The following CCDC141 variants were observed in gnomAD, a reference collection of about 807,000 sequenced individuals.
CCDC141 encodes the protein coiled-coil domain containing 141.
A neutral mutation model predicts 181.0 loss-of-function variants in CCDC141; 168 were observed. The observed-to-expected ratio is 0.93, with a 90% CI of 0.82 to 1.05. CCDC141 has a LOEUF of 1.05. Ranked by LOEUF, CCDC141 falls within the 50% of genes least tolerant of loss-of-function variation. The pLI, the probability that CCDC141 is intolerant of heterozygous loss-of-function variation, is 0.00. For missense variants in CCDC141, 1,902 were observed against 1,788.5 expected (o/e 1.06, Z -1.14); for synonymous variants, 666 against 642.3 (o/e 1.04, Z -0.56).
chr2:178,852,364 T>G (rs1160447985), intron 20 of CCDC141, among the ~76,000 whole-genome samples: 2 of 152,168 alleles, frequency 1.3e-5, no homozygotes, highest in Non-Finnish European at 2.9e-5. Flanking sequence ...CAATAGGTAT[T>G]TATACTACAA....
chr2:178,905,557 A>C (rs1346666866), intron 7 of CCDC141, 56 bp from the exon 8 acceptor site: 2 of 1,438,330 alleles, frequency 1.4e-6, no homozygotes, highest in Middle Eastern at 1.8e-4. Flanking sequence ...ATCTACATCA[A>C]CGTGTACACA....
At chr2:178,922,100 A>C (rs1423264201) in intron 6 of CCDC141, among the ~76,000 whole-genome samples, 2 of 152,222 alleles carry the variant, frequency 1.3e-5, no homozygotes, top group Non-Finnish European at 2.9e-5. Context: ...AAATATAGCC[A>C]TTGCGTGCTC....
At chr2:178,844,029 T>C (rs550754143) in intron 22 of CCDC141, among the ~76,000 whole-genome samples, 1 of 152,200 alleles carries the variant, frequency 6.6e-6, no homozygotes, top group African/African-American at 2.4e-5. Flanking sequence ...TGAAGGTAAA[T>C]CTTGCTTTTT....
At chr2:178,908,441 G>A (rs1346153475) in intron 7 of CCDC141, among the ~76,000 whole-genome samples, 2 of 152,052 alleles carry the variant, frequency 1.3e-5, no homozygotes, top group Non-Finnish European at 2.9e-5. Flanking sequence ...ATCTGCCTGC[G>A]TCGGCCTCCC....
chr2:178,856,542 C>G (rs1252976595), intron 17 of CCDC141, 145 bp from the exon 18 acceptor site: 1 of 509,880 alleles, frequency 2.0e-6, no homozygotes, highest in Non-Finnish European at 3.4e-6. Flanking sequence ...CCCTCCCTCT[C>G]TCTTTCTTTC....
At chr2:178,922,384 T>C (rs1688732034) in intron 6 of CCDC141, among the ~76,000 whole-genome samples, 1 of 152,226 alleles carries the variant, frequency 6.6e-6, no homozygotes, top group African/African-American at 2.4e-5. Context: ...CTCTACAATC[T>C]GCTATCTCAA....
chr2:178,887,898 T>G (rs766928085), intron 9 of CCDC141, among the ~76,000 whole-genome samples: 11 of 152,178 alleles, frequency 7.2e-5, no homozygotes, highest in Non-Finnish European at 1.5e-5. Flanking sequence ...TAAAGATAAA[T>G]AATTTTTTTA....
chr2:178,918,553 C>T (rs1188128637), intron 7 of CCDC141, among the ~76,000 whole-genome samples, 160 bp downstream of exon 7: 1 of 152,108 alleles, frequency 6.6e-6, no homozygotes, highest in African/African-American at 2.4e-5. Flanking sequence ...CAAATAATGG[C>T]CATAATAGGA....
At chr2:179,031,868 G>A (rs1007101885) in intron 2 of CCDC141, among the ~76,000 whole-genome samples, 3 of 152,028 alleles carry the variant, frequency 2.0e-5, no homozygotes, top group East Asian at 1.9e-4. Flanking sequence ...TTTCAACTAC[G>A]GAAATACTTA....
intron 5 of CCDC141, among the ~76,000 whole-genome samples, 173 bp downstream of exon 5, chr2:178,961,057 G>T (rs553534724): frequency 1.3e-5 from 2 of 152,202 alleles, no homozygotes; most frequent in East Asian, 3.9e-4. Flanking sequence ...GCATATATTT[G>T]TTTTTATGTT....
chr2:178,869,734 C>T (rs750011335), intron 14 of CCDC141, among the ~76,000 whole-genome samples: 5 of 152,256 alleles, frequency 3.3e-5, no homozygotes, highest in Non-Finnish European at 4.4e-5. Context: ...AGGGGAATAA[C>T]TTGTGCTCTG....
At chr2:178,897,504 G>A (rs946154402) in intron 8 of CCDC141, among the ~76,000 whole-genome samples, 1 of 152,100 alleles carries the variant, frequency 6.6e-6, no homozygotes, top group Non-Finnish European at 1.5e-5. Flanking sequence ...ACATTAAGAA[G>A]GCAGTAAGTG....
chr2:179,027,584 G>A (rs148454430), intron 2 of CCDC141, among the ~76,000 whole-genome samples: 4,230 of 147,020 alleles, frequency 0.029, 210 homozygotes, highest in African/African-American at 0.1. Flanking sequence ...GGTGGAGGTC[G>A]CAGTGAGCCA....
At chr2:178,916,627 G>C (rs768425703) in intron 7 of CCDC141, among the ~76,000 whole-genome samples, 1 of 152,074 alleles carries the variant, frequency 6.6e-6, no homozygotes, top group Non-Finnish European at 1.5e-5. Context: ...TGCTGAGGTA[G>C]AAATATCCAT....
the CCDC141 span, among the ~76,000 whole-genome samples, chr2:178,820,927 G>T: frequency 1.5e-4 from 23 of 152,110 alleles, no homozygotes; most frequent in Non-Finnish European, 7.4e-5. Flanking sequence ...GGTTCCACAT[G>T]TTAAAGATGT....
rs187446626 is a variant in CCDC141 at position 178,961,198 on chromosome 2, C to A, written c.780+32G>T. On this transcript the variant is annotated intron_variant, in intron 5 of 23. Coordinates refer to ENST00000443758, the MANE Select transcript of CCDC141 (RefSeq NM_173648.4). ...CCATATAACAACTAATCAGCTGAGG[C>A]TGGAACATCATCCAATGCCCCTTTG... 2.2e-3 allele frequency: 3,433 copies of A among 1,546,354 alleles called. 1 individual carries two copies. The highest frequency in any genetic ancestry group is 2.7e-3 in the Non-Finnish European group (3,139 of 1,143,892).
chr2:178,895,435 T>C (rs1250781428), intron 8 of CCDC141, among the ~76,000 whole-genome samples: 1 of 152,186 alleles, frequency 6.6e-6, no homozygotes, highest in Admixed American at 6.5e-5. Flanking sequence ...TACTCTGGGA[T>C]CTTTGCTACT....
chr2:179,026,336 G>A (rs1256774251), intron 2 of CCDC141, among the ~76,000 whole-genome samples: 1 of 152,188 alleles, frequency 6.6e-6, no homozygotes, highest in Admixed American at 6.5e-5. Context: ...AACCACTCTA[G>A]CCATGGCTGA....
intron 8 of CCDC141, among the ~76,000 whole-genome samples, chr2:178,902,786 C>T (rs1333640876): frequency 1.3e-5 from 2 of 149,596 alleles, no homozygotes; most frequent in African/African-American, 2.4e-5. Flanking sequence ...AGCTTCTGCA[C>T]AGCAAAAGAA....
Sources: allele counts gnomAD v4.1 joint callset (sites outside exome capture counted in the v4.1 genomes callset), GRCh38; gene constraint gnomAD v4.1.1; transcripts MANE v1.5; gene names NCBI Gene and HGNC (gene_info 2026-07-23, HGNC 2026-07-21).